The following LPA variants were observed in gnomAD, a reference collection of about 807,000 sequenced individuals.
LPA encodes apolipoprotein(a).
In LPA, 199 loss-of-function variants were observed where a neutral mutation model predicts 197.9. The observed-to-expected ratio is 1.01, with a 90% confidence interval of 0.90 to 1.13. The LOEUF (loss-of-function observed/expected upper bound fraction) is 1.13, where lower values mean the gene tolerates loss of function less well. Ranked by LOEUF, LPA falls within the 50% of genes most tolerant of loss-of-function variation. The probability of loss-of-function intolerance (pLI) is 0.00; values close to 1 mark genes in which losing one functional copy is unlikely to be tolerated. For synonymous variants in LPA, 715 were observed against 639.5 expected (o/e 1.12, Z -1.78); for missense variants, 1,853 against 1,785.8 (o/e 1.04, Z -0.68).
intron 20 of LPA, 140 bp downstream of exon 20, chr6:160,599,360 T>C: frequency 1.5e-6 from 2 of 1,326,174 alleles, no homozygotes; most frequent in Non-Finnish European, 2.1e-6. Context: ...CAAAGTCTTC[T>C]CTAAGAACTT....
At chr6:160,534,717 G>A (rs1240180443) in intron 37 of LPA, among the ~76,000 whole-genome samples, 1 of 152,168 alleles carries the variant, frequency 6.6e-6, no homozygotes, top group Admixed American at 6.5e-5. Context: ...TGGTCTAGTT[G>A]GTGTTCTGAA....
chr6:160,604,974 T>C, intron 18 of LPA, 72 bp downstream of exon 18: 1 of 1,600,932 alleles, frequency 6.2e-7, no homozygotes, highest in Non-Finnish European at 8.5e-7. Flanking sequence ...AACACTCAGC[T>C]TGAAGCATGA....
At chr6:160,568,736 C>A (rs920507066) in intron 28 of LPA, among the ~76,000 whole-genome samples, 2 of 152,192 alleles carry the variant, frequency 1.3e-5, no homozygotes, top group African/African-American at 4.8e-5. Context: ...ATTTAGAAAA[C>A]CCCATCTTCT....
At chr6:160,571,937 G>A (rs1344774350) in intron 28 of LPA, among the ~76,000 whole-genome samples, 1 of 152,170 alleles carries the variant, frequency 6.6e-6, no homozygotes, top group East Asian at 1.9e-4. Context: ...AAAAACTCCT[G>A]CAGCTAGCTT....
At chr6:160,566,956 TA>T (rs1270423090) in intron 28 of LPA, among the ~76,000 whole-genome samples, 1 of 152,218 alleles carries the variant, frequency 6.6e-6, no homozygotes, top group Non-Finnish European at 1.5e-5. Flanking sequence ...ATCCTAAATA[TA>T]TATGCACCCA....
intron 32 of LPA, 50 bp from the exon 33 acceptor site, chr6:160,545,583 G>A (rs1185182763): frequency 4.6e-6 from 5 of 1,078,788 alleles, no homozygotes; most frequent in Non-Finnish European, 7.2e-6. Flanking sequence ...GCAGGAGAGG[G>A]AGAAGATATT....
intron 23 of LPA, among the ~76,000 whole-genome samples, chr6:160,590,346 C>A (rs1026393204): frequency 6.6e-6 from 1 of 152,190 alleles, no homozygotes; most frequent in African/African-American, 2.4e-5. Flanking sequence ...ATACGTGTTC[C>A]ATGAGAAGGA....
At chr6:160,567,293 T>G (rs1265009142) in intron 28 of LPA, among the ~76,000 whole-genome samples, 5 of 152,180 alleles carry the variant, frequency 3.3e-5, no homozygotes, top group Non-Finnish European at 5.9e-5. Context: ...TAACAAACTG[T>G]CTCTCAGACC....
At chr6:160,552,907 T>A (rs1778189317) in intron 30 of LPA, among the ~76,000 whole-genome samples, 1 of 152,232 alleles carries the variant, frequency 6.6e-6, no homozygotes, top group Non-Finnish European at 1.5e-5. Flanking sequence ...ATCTTTTATA[T>A]TCTTTATTCC....
intron 19 of LPA, 78 bp downstream of exon 19, chr6:160,600,839 G>C (rs552975221): frequency 6.7e-7 from 1 of 1,484,836 alleles, no homozygotes; most frequent in South Asian, 1.1e-5. Context: ...TAGCACTGAA[G>C]GGTTGTGCGT....
chr6:160,573,315 G>A (rs567687025), intron 28 of LPA, among the ~76,000 whole-genome samples: 99 of 150,794 alleles, frequency 6.6e-4, no homozygotes, highest in African/African-American at 2.3e-3. Flanking sequence ...TATCTATTTT[G>A]TTGAATATTT....
Position 160,541,185 on chromosome 6 carries a change from G to C in LPA, c.5520-4C>G. 1 of 1,609,668 alleles carries C rather than the reference G, an allele frequency of 6.2e-7. No individual in the cohort carries two copies. Among genetic ancestry groups the C allele is most frequent in the East Asian group, 2.2e-5 (1 of 44,866 alleles). On this transcript the variant is annotated splice_polypyrimidine_tract_variant and splice_region_variant and intron_variant, in intron 34 of 38. Coordinates refer to ENST00000316300, the MANE Select transcript of LPA (RefSeq NM_005577.4). ...TCCACAGAAGTGCTTTCCAAACCTA[G>C]AAAGAAAACATGCCAAGGCTTTGGT... is the stretch of plus-strand genomic sequence containing the variant.
chr6:160,557,321 C>A (rs752398269), intron 29 of LPA, 69 bp downstream of exon 29: 94 of 1,551,656 alleles, frequency 6.1e-5, no homozygotes, highest in South Asian at 3.7e-4. Flanking sequence ...GCTTCTGCAT[C>A]AGTCAGATTT....
At chr6:160,656,536 A>G (rs185298051) in intron 1 of LPA, among the ~76,000 whole-genome samples, 24 of 152,330 alleles carry the variant, frequency 1.6e-4, no homozygotes, top group African/African-American at 5.3e-4. Context: ...GGGAACCACA[A>G]TAACGTTTTG....
At position 160,648,673 on chromosome 6, in the gene LPA, T is replaced by C. The variant is rs149849249; in HGVS notation, c.209+1665A>G. 1.1e-3 allele frequency among the ~76,000 whole-genome samples: 160 copies of C among 152,266 alleles called. 2 individuals are homozygous for C. The highest frequency in any genetic ancestry group is 3.6e-3 in the African/African-American group (149 of 41,540). ...ATGCAATTATTTTTCATTTGGTATT[T>C]TCTTCTGAAATGTCTAACTAGATGG... is the stretch of plus-strand genomic sequence containing the variant. On this transcript the variant is annotated intron_variant, in intron 2 of 38. Coordinates refer to ENST00000316300, the MANE Select transcript of LPA (RefSeq NM_005577.4).
At chr6:160,661,550 C>T (rs1375633828) in intron 1 of LPA, among the ~76,000 whole-genome samples, 1 of 152,190 alleles carries the variant, frequency 6.6e-6, no homozygotes, top group Non-Finnish European at 1.5e-5. Context: ...GATGCACGCT[C>T]ACTGTTTCAT....
In LPA at chr6:160,594,073, C is replaced by T; in HGVS notation, c.3514G>A (p.Asp1172Asn). Residue 1172 changes from aspartate to asparagine, a missense_variant, in exon 22 of 39, where the codon GAT becomes AAT. Physicochemically the swap from Asp to Asn is conservative, Grantham distance 23 (BLOSUM62 1). Transcript: ENST00000316300. ...AATGAGCCTCGATAACTCTGTCCAT[C>T]ACCATGGTAGCAATCCTGGACCCCG... ...SPGVQDCYHG[D>N]GQSYRGSFST... The T allele has an allele frequency of 1.9e-6, 3 of 1,613,962 alleles. No homozygotes were observed. Among genetic ancestry groups the T allele is most frequent in the Non-Finnish European group, 2.5e-6 (3 of 1,179,866 alleles).
At chr6:160,609,779 G>A (rs190381259) in intron 16 of LPA, among the ~76,000 whole-genome samples, 2 of 151,866 alleles carry the variant, frequency 1.3e-5, no homozygotes, top group Admixed American at 6.6e-5. Context: ...GTGTGTTTGT[G>A]TGTGTGTTAG....
In LPA at chr6:160,589,563, A is replaced by T. The variant is rs1364757356; in HGVS notation, c.3937T>A (p.Tyr1313Asn). The change falls in exon 24 of 39, where the codon TAC becomes AAC. Residue 1313 changes from tyrosine (Y) to asparagine (N), a missense_variant. Physicochemically the swap from Tyr to Asn is moderately radical, Grantham distance 143 (BLOSUM62 -2). Coordinates refer to ENST00000316300, the MANE Select transcript of LPA (RefSeq NM_005577.4). ...PHWHQRTTEY[Y>N]PNGGLTRNYC... ...AACTCAAAGACATACCCATTTGGGTAGTATTCTGTGGTTCTCTGATGCCAG... is the reference window on the plus strand; with the variant it reads ...AACTCAAAGACATACCCATTTGGGTTGTATTCTGTGGTTCTCTGATGCCAG... 1 of 1,613,644 alleles carries T rather than the reference A, an allele frequency of 6.2e-7. No individual in the cohort carries two copies. The highest frequency in any genetic ancestry group is 8.5e-7 in the Non-Finnish European group (1 of 1,179,810).
Sources: gnomAD v4.1 joint callset for allele counts (sites outside exome capture counted in the v4.1 genomes callset) on GRCh38, gnomAD v4.1.1 for gene constraint, MANE v1.5 for transcripts, NCBI Gene and HGNC (gene_info 2026-07-23, HGNC 2026-07-21) for gene names.